The following MAP4K5 variants were observed in gnomAD, a reference collection of about 807,000 sequenced individuals.
MAP4K5 encodes MAPK/ERK kinase kinase kinase 5.
A neutral mutation model predicts 135.6 loss-of-function variants in MAP4K5; 82 were observed. The observed-to-expected ratio is 0.60, with a 90% confidence interval of 0.51 to 0.73. The LOEUF (loss-of-function observed/expected upper bound fraction) is 0.73. Ranked by LOEUF, MAP4K5 falls within the 30% of genes least tolerant of loss-of-function variation. The pLI is 0.00. For synonymous variants in MAP4K5, 347 were observed against 335.0 expected, an observed-to-expected ratio of 1.04 and a Z score of -0.39; for missense variants, 907 against 1,010.9, an observed-to-expected ratio of 0.90 and a Z score of 1.39.
At chr14:50,517,212 C>T (rs370411326) in intron 2 of MAP4K5, among the ~76,000 whole-genome samples, 28 of 150,010 alleles carry the variant, frequency 1.9e-4, no homozygotes, top group East Asian at 1.8e-3. Flanking sequence ...AGTGCAGTGG[C>T]GTGATCTCCG....
rs759240996 is a variant in MAP4K5 at position 50,504,854 on chromosome 14, T to C, written c.112A>G (p.Arg38Gly). 3 of 1,535,628 alleles carry C rather than the reference T, an allele frequency of 2.0e-6. No individual in the cohort carries two copies. Among genetic ancestry groups the C allele is most frequent in the Non-Finnish European group, 2.6e-6 (3 of 1,142,894 alleles). Residue 38 changes from arginine (R) to glycine (G), a missense_variant, in exon 3 of 33, where the codon AGA becomes GGA. Coordinates refer to ENST00000682126, the MANE Select transcript of MAP4K5 (RefSeq NM_006575.6). Reference protein sequence around the residue: ...SGTYGDVYKARNVHTGELAAV... With the variant: ...SGTYGDVYKAGNVHTGELAAV... ...GCCAGCTCTCCTGTGTGTACATTTC[T>C]GGCCTAAAAATAAAATAAAAACAAA...
At chr14:50,456,961 G>A (rs1353326288) in intron 13 of MAP4K5, among the ~76,000 whole-genome samples, 3 of 152,196 alleles carry the variant, frequency 2.0e-5, no homozygotes, top group Non-Finnish European at 4.4e-5. Flanking sequence ...AAGGGGTATA[G>A]TTCTTCATGA....
At chr14:50,547,098 G>A (rs548638463) in intron 1 of MAP4K5, among the ~76,000 whole-genome samples, 6 of 152,176 alleles carry the variant, frequency 3.9e-5, no homozygotes, top group African/African-American at 1.4e-4. Flanking sequence ...TTACTTAGGT[G>A]AACATCTTAT....
chr14:50,501,611 G>A, intron 3 of MAP4K5, among the ~76,000 whole-genome samples: 1 of 152,042 alleles, frequency 6.6e-6, no homozygotes, highest in Non-Finnish European at 1.5e-5. Context: ...GATAATGATA[G>A]GCCCAAGTAT....
chr14:50,490,072 GGT>G (rs910199946), intron 3 of MAP4K5, among the ~76,000 whole-genome samples: 4 of 148,922 alleles, frequency 2.7e-5, no homozygotes, highest in East Asian at 2.0e-4. Context: ...AGTATGCATG[GGT>G]GTGTGTGTGT....
intron 2 of MAP4K5, among the ~76,000 whole-genome samples, chr14:50,527,025 G>C (rs1274301735): frequency 1.3e-5 from 2 of 152,168 alleles, no homozygotes; most frequent in African/African-American, 2.4e-5. Context: ...CTAAATGAAG[G>C]CTCATTCAAC....
intron 2 of MAP4K5, among the ~76,000 whole-genome samples, chr14:50,526,276 A>G (rs549672483): frequency 3.3e-4 from 50 of 152,160 alleles, no homozygotes; most frequent in African/African-American, 1.2e-3. Flanking sequence ...TTTTCTACCA[A>G]ATTATGACTG....
intron 2 of MAP4K5, among the ~76,000 whole-genome samples, chr14:50,520,011 G>C (rs2038114774): frequency 6.6e-6 from 1 of 152,324 alleles, no homozygotes; most frequent in Non-Finnish European, 1.5e-5. Flanking sequence ...AGGGGGTCAA[G>C]AAGGCACGGG....
chr14:50,505,465 T>A lies in MAP4K5; in HGVS notation c.109-608A>T, dbSNP rs1031545737. Among the ~76,000 whole-genome samples, 3 of 152,164 alleles carry A rather than the reference T, an allele frequency of 2.0e-5. No individual in the cohort carries two copies. The East Asian group carries it at 5.8e-4, about 29-fold the overall frequency. The stretch of plus-strand genomic sequence containing the variant: ...AGTTATAAAAATAGGGATACATATA[T>A]CTTAGCTTTGTATCTATCCACAGCC... On this transcript the variant is annotated intron_variant, in intron 2 of 32. Transcript: ENST00000682126.
intron 2 of MAP4K5, among the ~76,000 whole-genome samples, chr14:50,540,457 A>T (rs1419597710): frequency 6.6e-6 from 1 of 152,160 alleles, no homozygotes; most frequent in African/African-American, 2.4e-5. Flanking sequence ...TCTTTGAGGG[A>T]GAGTCCCATA....
chr14:50,433,554 G>A (rs749135665), intron 28 of MAP4K5, among the ~76,000 whole-genome samples: 3 of 152,148 alleles, frequency 2.0e-5, no homozygotes, highest in African/African-American at 7.2e-5. Flanking sequence ...TGAATTTAGC[G>A]TAGGTTCTAT....
At chr14:50,509,347 C>T (rs1199598291) in intron 2 of MAP4K5, among the ~76,000 whole-genome samples, 1 of 152,048 alleles carries the variant, frequency 6.6e-6, no homozygotes, top group Non-Finnish European at 1.5e-5. Context: ...TTTTTAAATG[C>T]AACAGATACT....
intron 2 of MAP4K5, among the ~76,000 whole-genome samples, chr14:50,537,647 A>G (rs1422328344): frequency 9.2e-5 from 14 of 152,240 alleles, no homozygotes; most frequent in Admixed American, 9.2e-4. Flanking sequence ...GCCCAAGACC[A>G]TGGGAACCAA....
intron 2 of MAP4K5, among the ~76,000 whole-genome samples, chr14:50,517,488 C>G (rs997550278): frequency 6.6e-6 from 1 of 150,574 alleles, no homozygotes; most frequent in African/African-American, 2.4e-5. Context: ...AATGTTGAGG[C>G]TGGGCATGGT....
intron 3 of MAP4K5, among the ~76,000 whole-genome samples, chr14:50,501,948 G>C (rs991339532): frequency 3.3e-5 from 5 of 152,082 alleles, no homozygotes; most frequent in Non-Finnish European, 5.9e-5. Flanking sequence ...GCGTATATTA[G>C]GTATTCAATA....
chr14:50,505,977 CTCTT>C (rs1826573872), intron 2 of MAP4K5, among the ~76,000 whole-genome samples: 2 of 152,148 alleles, frequency 1.3e-5, no homozygotes, highest in South Asian at 2.1e-4. Context: ...CCACTATACT[CTCTT>C]TGTTAATGTG....
At chr14:50,493,062 A>G (rs545987390) in intron 3 of MAP4K5, among the ~76,000 whole-genome samples, 98 of 152,058 alleles carry the variant, frequency 6.4e-4, no homozygotes, top group African/African-American at 2.3e-3. Flanking sequence ...AGAGAATGAA[A>G]TAAAAATCAC....
chr14:50,446,411 A>T (rs1230532126), intron 16 of MAP4K5, among the ~76,000 whole-genome samples: 1 of 152,236 alleles, frequency 6.6e-6, no homozygotes, highest in African/African-American at 2.4e-5. Context: ...CTTGGTTAAA[A>T]AACTGATTCA....
intron 1 of MAP4K5, among the ~76,000 whole-genome samples, chr14:50,560,841 G>C (rs978427133): frequency 6.6e-6 from 1 of 152,228 alleles, no homozygotes; most frequent in African/African-American, 2.4e-5. Flanking sequence ...CCGGACGGAC[G>C]GTAGCAGACC....
Sources: allele counts gnomAD v4.1 joint callset (sites outside exome capture counted in the v4.1 genomes callset), GRCh38; gene constraint gnomAD v4.1.1; transcripts MANE v1.5; gene names NCBI Gene and HGNC (gene_info 2026-07-23, HGNC 2026-07-21).